Variants in FRMD8 observed in about 807,000 individuals in gnomAD.
FRMD8 encodes FERM domain-containing protein 8.
FRMD8 carries 37 observed loss-of-function variants against 54.2 expected under a neutral mutation model. The ratio of observed to expected loss-of-function variants is 0.68; its 90% CI spans 0.53 to 0.90. The LOEUF is 0.90. Ranked by LOEUF, FRMD8 falls within the 40% of genes least tolerant of loss-of-function variation. FRMD8 has a pLI of 0.00. For synonymous variants in FRMD8, 246 were observed against 286.9 expected (o/e 0.86, Z 1.44); for missense variants, 585 against 653.7 (o/e 0.89, Z 1.15).
chr11:65,368,239 C>T, the FRMD8 span, among the ~76,000 whole-genome samples: 11 of 151,888 alleles, frequency 7.2e-5, no homozygotes, highest in Non-Finnish European at 1.5e-4. Flanking sequence ...CCGTACCTGG[C>T]TAATTTTTAT....
In FRMD8 at chr11:65,396,935, G is replaced by A. The variant is rs539950410; in HGVS notation, c.718G>A (p.Val240Ile). The change falls in exon 7 of 11, where the codon GTC becomes ATC. Residue 240 changes from valine (V) to isoleucine (I), a missense_variant. Coordinates refer to ENST00000317568, the MANE Select transcript of FRMD8 (RefSeq NM_031904.5). ...LLNAYRQVQE[V>I]SSDGGCEAAL... ...GAACGCCTACCGCCAGGTGCAGGAG[G>A]TCAGCAGCGACGGCGGGTGCGAGGC... 7 of 1,546,194 alleles carry A rather than the reference G, an allele frequency of 4.5e-6. No individual in the cohort carries two copies. Among genetic ancestry groups the A allele is most frequent in the Middle Eastern group, 1.7e-4 (1 of 5,904 alleles).
the FRMD8 span, chr11:65,380,737 TG>T: frequency 1.9e-6 from 1 of 540,464 alleles, no homozygotes; most frequent in Non-Finnish European, 2.9e-6. Context: ...TTCTGGAGTT[TG>T]GGGGAGGTCG....
chr11:65,384,089 G>A (rs192459078), upstream of FRMD8, among the ~76,000 whole-genome samples: 368 of 152,056 alleles, frequency 2.4e-3, 1 homozygote, highest in Non-Finnish European at 4.0e-3. Context: ...CAATCTCACC[G>A]CCTCACCCCA....
At chr11:65,399,682 C>T in intron 7 of FRMD8, 54 bp from the exon 8 acceptor site, 1 of 1,597,940 alleles carries the variant, frequency 6.3e-7, no homozygotes, top group South Asian at 1.1e-5. Context: ...CCTCGAGCAG[C>T]CTCCCTCAGC....
the FRMD8 span, among the ~76,000 whole-genome samples, chr11:65,369,016 T>C: frequency 2.6e-5 from 4 of 152,252 alleles, no homozygotes; most frequent in East Asian, 7.7e-4. Context: ...CATGGGCCAG[T>C]GGTTCTCAAG....
intron 10 of FRMD8, among the ~76,000 whole-genome samples, chr11:65,408,076 C>CTTT (rs757980759): frequency 2.1e-5 from 3 of 139,644 alleles, no homozygotes; most frequent in East Asian, 4.2e-4. Flanking sequence ...ATTGTTTTTT[C>CTTT]TTTTTTTTTT....
chr11:65,379,278 G>T, the FRMD8 span: 1 of 1,396,888 alleles, frequency 7.2e-7, no homozygotes. Flanking sequence ...AGAGGCCTAT[G>T]CCTCCACAGC....
intron 6 of FRMD8, among the ~76,000 whole-genome samples, chr11:65,394,937 C>T (rs539363450): frequency 1.0e-3 from 158 of 152,336 alleles, no homozygotes; most frequent in African/African-American, 3.2e-3. Flanking sequence ...AGGATTATCC[C>T]GAGGTTTAGA....
chr11:65,405,124 C>A (rs114876876), intron 10 of FRMD8, 56 bp downstream of exon 10: 3 of 1,535,238 alleles, frequency 2.0e-6, no homozygotes, highest in Non-Finnish European at 2.7e-6. Context: ...GTGCACACAC[C>A]GGGGGGAGTT....
chr11:65,395,432 G>T (rs772743290), intron 6 of FRMD8, among the ~76,000 whole-genome samples: 36 of 152,238 alleles, frequency 2.4e-4, no homozygotes, highest in African/African-American at 8.4e-4. Context: ...CCAGCTACTC[G>T]GGAGGCTGAG....
At chr11:65,381,756 C>T (rs1189234403), upstream of FRMD8, 4 of 830,464 alleles carry the variant, frequency 4.8e-6, no homozygotes, top group East Asian at 5.0e-5. Context: ...AGGGGCCTCC[C>T]TATGTTGCCC....
intron 3 of FRMD8, among the ~76,000 whole-genome samples, chr11:65,391,471 G>T (rs1855844351): frequency 6.6e-6 from 1 of 152,160 alleles, no homozygotes; most frequent in Admixed American, 6.5e-5. Context: ...GGGAATACAG[G>T]AGGGAAGACC....
In FRMD8 at chr11:65,393,661, T is replaced by A; in HGVS notation, c.342T>A (p.Asp114Glu). 6.2e-7 allele frequency: 1 copy of A among 1,605,388 alleles called. No homozygotes were observed. The highest frequency in any genetic ancestry group is 1.1e-5 in the South Asian group (1 of 91,016). Reference sequence around the variant, plus strand: ...TGCGCTTCACCAGTGCCCCAGACGATGACGTGGCCATGGGTCAGTGCTGCT... The same window carrying A: ...TGCGCTTCACCAGTGCCCCAGACGAAGACGTGGCCATGGGTCAGTGCTGCT... ...LLLRFTSAPD[D>E]DVAMDEPFLQ... The change falls in exon 4 of 11, where the codon GAT becomes GAA. Residue 114 changes from aspartate to glutamate, a missense_variant. Coordinates refer to ENST00000317568, the MANE Select transcript of FRMD8 (RefSeq NM_031904.5).
the FRMD8 span, chr11:65,376,635 A>C: frequency 6.2e-7 from 1 of 1,614,028 alleles, no homozygotes; most frequent in Non-Finnish European, 8.5e-7. Flanking sequence ...CCCAGGAAGC[A>C]ATGCCTGCAA....
chr11:65,394,437 T>G lies in FRMD8; in HGVS notation c.581+12T>G. On this transcript the variant is annotated intron_variant, in intron 6 of 10. Transcript: ENST00000317568. ...GCCTGCGACCTGAGGTGAGGGCCTG[T>G]GTGACTTGAGGCGGGGGCGCTGGGT... The G allele has an allele frequency of 6.4e-7, 1 of 1,562,338 alleles. No homozygotes were observed. Among genetic ancestry groups the G allele is most frequent in the Non-Finnish European group, 8.6e-7 (1 of 1,157,210 alleles).
upstream of FRMD8, chr11:65,382,660 T>A (rs966664181): frequency 6.6e-6 from 1 of 152,546 alleles, no homozygotes; most frequent in Non-Finnish European, 1.5e-5. The surrounding 1 kb of genome is among the most constrained non-coding windows in gnomAD (Gnocchi z 4.4). Flanking sequence ...ACCAAAACCC[T>A]TTCAAGGATC....
chr11:65,407,300 G>A (rs1252896061), intron 10 of FRMD8, among the ~76,000 whole-genome samples: 1 of 151,648 alleles, frequency 6.6e-6, no homozygotes, highest in Non-Finnish European at 1.5e-5. Flanking sequence ...CACCCAGGCT[G>A]GAGTGCAATG....
intron 2 of FRMD8, among the ~76,000 whole-genome samples, chr11:65,387,815 G>A (rs1280426485): frequency 1.3e-5 from 2 of 152,076 alleles, no homozygotes; most frequent in African/African-American, 4.8e-5. Context: ...TGGGATTACA[G>A]GCGTGAGCCA....
the FRMD8 span, among the ~76,000 whole-genome samples, chr11:65,372,988 C>T: frequency 5.3e-5 from 8 of 152,068 alleles, no homozygotes; most frequent in Non-Finnish European, 1.0e-4. Flanking sequence ...TGGTGGCTCA[C>T]GCCTGTTAAT....
Sources: gnomAD v4.1 joint callset for allele counts (sites outside exome capture counted in the v4.1 genomes callset) on GRCh38, gnomAD v4.1.1 for gene constraint, Gnocchi (gnomAD v3.1) non-coding constraint, MANE v1.5 for transcripts, NCBI Gene and HGNC (gene_info 2026-07-23, HGNC 2026-07-21) for gene names.